C12orf42: variants seen among roughly 807,000 people sequenced by gnomAD.
C12orf42 encodes uncharacterized protein C12orf42.
Under a neutral mutation model 21.6 loss-of-function variants are expected in C12orf42, and 25 were observed. That is an observed-to-expected ratio of 1.16 (90% CI 0.84 to 1.62). The LOEUF is 1.62. C12orf42 is among the 40% of genes most tolerant of loss of function. The pLI is 0.00. For synonymous variants in C12orf42, 174 were observed against 175.0 expected, an observed-to-expected ratio of 0.99 and a Z score of 0.05; for missense variants, 483 against 459.3, an observed-to-expected ratio of 1.05 and a Z score of -0.47.
At chr12:103,220,301 C>T in the C12orf42 span, among the ~76,000 whole-genome samples, 2 of 151,922 alleles carry the variant, frequency 1.3e-5, no homozygotes, top group African/African-American at 2.4e-5. Context: ...ATGCAGATGA[C>T]GGGTTGATGG....
chr12:103,203,164 A>G, the C12orf42 span, among the ~76,000 whole-genome samples: 4 of 152,096 alleles, frequency 2.6e-5, no homozygotes, highest in Non-Finnish European at 5.9e-5. Flanking sequence ...ATTTGTCAAG[A>G]TGTGGTTGTC....
intron 2 of C12orf42, among the ~76,000 whole-genome samples, chr12:103,447,290 A>G (rs915510381): frequency 1.3e-5 from 2 of 151,772 alleles, no homozygotes; most frequent in African/African-American, 4.8e-5. Flanking sequence ...TCAAGATGGA[A>G]GGTAAGGTAA....
chr12:103,162,488 A>T, the C12orf42 span, among the ~76,000 whole-genome samples: 1 of 150,048 alleles, frequency 6.7e-6, no homozygotes, highest in Non-Finnish European at 1.5e-5. Context: ...GGGTACATAG[A>T]TGTCAAGCCA....
chr12:103,111,875 C>T, the C12orf42 span, among the ~76,000 whole-genome samples: 57 of 152,268 alleles, frequency 3.7e-4, no homozygotes, highest in African/African-American at 1.2e-3. Context: ...GAAATGATTT[C>T]TAATTGTTCT....
intron 10 of C12orf42, among the ~76,000 whole-genome samples, chr12:103,238,438 G>T (rs1359936526): frequency 2.0e-5 from 3 of 152,118 alleles, no homozygotes; most frequent in African/African-American, 7.2e-5. Context: ...CAGAATCTCA[G>T]GCCTACTGTA....
intron 2 of C12orf42, among the ~76,000 whole-genome samples, chr12:103,418,300 G>C (rs1459084929): frequency 1.3e-5 from 2 of 152,044 alleles, no homozygotes; most frequent in Non-Finnish European, 2.9e-5. Flanking sequence ...GATACCAGCA[G>C]GCATGCCGTC....
chr12:103,172,692 A>T, the C12orf42 span, among the ~76,000 whole-genome samples: 1 of 152,122 alleles, frequency 6.6e-6, no homozygotes, highest in Non-Finnish European at 1.5e-5. Context: ...AATCATACCC[A>T]GATTTTATTG....
At chr12:103,099,184 T>G in the C12orf42 span, among the ~76,000 whole-genome samples, 1 of 152,188 alleles carries the variant, frequency 6.6e-6, no homozygotes, top group Non-Finnish European at 1.5e-5. Flanking sequence ...ACCTGGATAT[T>G]AAATGCTCCA....
At chr12:103,107,957 C>T in the C12orf42 span, among the ~76,000 whole-genome samples, 27 of 151,210 alleles carry the variant, frequency 1.8e-4, no homozygotes, top group African/African-American at 6.5e-4. Flanking sequence ...AACATAATAT[C>T]AATTAATTTA....
intron 3 of C12orf42, among the ~76,000 whole-genome samples, chr12:103,379,830 G>T (rs1311215673): frequency 1.3e-5 from 2 of 152,164 alleles, no homozygotes; most frequent in Non-Finnish European, 2.9e-5. Context: ...ATTCAGATTT[G>T]TGTTTCTGTT....
At chr12:103,144,578 G>A in the C12orf42 span, among the ~76,000 whole-genome samples, 1 of 152,218 alleles carries the variant, frequency 6.6e-6, no homozygotes, top group Non-Finnish European at 1.5e-5. Flanking sequence ...CTGCAAGGCA[G>A]TAAGAAAACT....
intron 4 of C12orf42, among the ~76,000 whole-genome samples, chr12:103,325,442 C>T (rs1029924997): frequency 1.3e-5 from 2 of 152,220 alleles, no homozygotes; most frequent in African/African-American, 4.8e-5. Flanking sequence ...TCTCTCACAT[C>T]ATCAGCCTCC....
the C12orf42 span, among the ~76,000 whole-genome samples, chr12:103,089,100 T>TAAA: frequency 2.3e-4 from 4 of 17,274 alleles, no homozygotes; most frequent in African/African-American, 8.7e-4. Context: ...AGACTCCATC[T>TAAA]CAAAAAAAAA....
chr12:103,383,194 T>C (rs2046330323), intron 3 of C12orf42, among the ~76,000 whole-genome samples: 1 of 151,910 alleles, frequency 6.6e-6, no homozygotes, highest in Non-Finnish European at 1.5e-5. Context: ...GGTGCAATCT[T>C]GGCTCATTGC....
At chr12:103,562,897 G>C in the C12orf42 span, among the ~76,000 whole-genome samples, 1 of 152,266 alleles carries the variant, frequency 6.6e-6, no homozygotes, top group East Asian at 1.9e-4. Flanking sequence ...TACATTGAAA[G>C]ACTCACATTA....
At chr12:103,075,658 A>T in the C12orf42 span, among the ~76,000 whole-genome samples, 1 of 152,198 alleles carries the variant, frequency 6.6e-6, no homozygotes, top group Non-Finnish European at 1.5e-5. Flanking sequence ...TAAGTCTTTA[A>T]ACCAGCTATT....
At chr12:103,240,747 C>A (rs2033696818) in intron 10 of C12orf42, among the ~76,000 whole-genome samples, 1 of 152,146 alleles carries the variant, frequency 6.6e-6, no homozygotes, top group African/African-American at 2.4e-5. Context: ...TGGAGTTATG[C>A]CATCTTTAAT....
chr12:103,257,352 T>A (rs2034664323), intron 10 of C12orf42, among the ~76,000 whole-genome samples: 1 of 151,954 alleles, frequency 6.6e-6, no homozygotes, highest in Non-Finnish European at 1.5e-5. Flanking sequence ...CCCCTGAATA[T>A]AAAATAAAGT....
At chr12:103,169,189 TAAATA>T in the C12orf42 span, among the ~76,000 whole-genome samples, 4 of 136,796 alleles carry the variant, frequency 2.9e-5, no homozygotes, top group Non-Finnish European at 6.5e-5. Flanking sequence ...AATAAATAAA[TAAATA>T]AATAAAATAA....
Sources: gnomAD v4.1 joint callset for allele counts (sites outside exome capture counted in the v4.1 genomes callset) on GRCh38, gnomAD v4.1.1 for gene constraint, MANE v1.5 for transcripts, NCBI Gene and HGNC (gene_info 2026-07-23, HGNC 2026-07-21) for gene names.